Variants in COL4A4 observed in about 807,000 individuals in gnomAD.
The protein encoded by COL4A4 is collagen type IV alpha 4 chain, also known as collagen alpha-4(IV) chain.
COL4A4 carries 105 observed loss-of-function variants against 192.9 expected under a neutral mutation model. That is an observed-to-expected ratio of 0.54 (90% CI 0.46 to 0.64). The LOEUF (loss-of-function observed/expected upper bound fraction) is 0.64, where lower values mean the gene tolerates loss of function less well. COL4A4 is among the 30% of genes least tolerant of loss of function. The pLI, the probability that COL4A4 is intolerant of heterozygous loss-of-function variation, is 0.00. For synonymous variants in COL4A4, 762 were observed against 769.9 expected, an observed-to-expected ratio of 0.99 and a Z score of 0.17; for missense variants, 1,967 against 2,169.3, an observed-to-expected ratio of 0.91 and a Z score of 1.85.
At chr2:227,035,648 C>T (rs186560515) in intron 37 of COL4A4, among the ~76,000 whole-genome samples, 8 of 152,206 alleles carry the variant, frequency 5.3e-5, no homozygotes, top group Non-Finnish European at 1.0e-4. Flanking sequence ...TATGAGCCAA[C>T]GTTTCAAGTT....
intron 44 of COL4A4, among the ~76,000 whole-genome samples, chr2:227,020,269 T>A (rs1012983364): frequency 6.6e-6 from 1 of 152,090 alleles, no homozygotes; most frequent in Non-Finnish European, 1.5e-5. Flanking sequence ...GGCAGCTTGG[T>A]TTTAAAATGA....
At chr2:227,023,992 A>C (rs1966527287) in intron 43 of COL4A4, among the ~76,000 whole-genome samples, 1 of 143,272 alleles carries the variant, frequency 7.0e-6, no homozygotes, top group African/African-American at 2.6e-5. Context: ...GTGACAGAGC[A>C]AGACTCTGTC....
chr2:227,020,454 C>G (rs1965784983), intron 44 of COL4A4, among the ~76,000 whole-genome samples: 1 of 152,186 alleles, frequency 6.6e-6, no homozygotes, highest in Admixed American at 6.5e-5. Flanking sequence ...GCAATAAACA[C>G]ACACAACGAA....
Position 227,104,120 on chromosome 2 carries a change from A to T in COL4A4, c.736-68T>A, listed in dbSNP as rs571311282. On this transcript the variant is annotated intron_variant, in intron 12 of 47. Coordinates refer to ENST00000396625, the MANE Select transcript of COL4A4 (RefSeq NM_000092.5). Reference sequence around the variant, plus strand: ...ATGTTTTGAAGGTTTTCACCCATGTATTGTGGTATAATGCTTCCAATCCTA... The same window carrying T: ...ATGTTTTGAAGGTTTTCACCCATGTTTTGTGGTATAATGCTTCCAATCCTA... The T allele has an allele frequency of 3.0e-6, 4 of 1,336,846 alleles. No individual in the cohort carries two copies. In the South Asian group the frequency reaches 4.7e-5, roughly 16 times the overall value. 82.8% of individuals were successfully genotyped at this position (1,336,846 alleles called of 1,614,324 possible). A position where few individuals can be genotyped will look rare whatever the true frequency, so the allele number is the denominator to read the frequency against.
In COL4A4 at chr2:227,027,966, A is replaced by T; in HGVS notation, c.4017T>A (p.Pro1339=). 6.2e-7 allele frequency: 1 copy of T among 1,613,890 alleles called. No homozygotes were observed. Among genetic ancestry groups the T allele is most frequent in the Non-Finnish European group, 8.5e-7 (1 of 1,179,874 alleles). ...GTAAACCCTTCTCTCCAGGTGGCCCAGGAAATCCATGTGGTCCCTGCGGTC... is the reference window on the plus strand; with the variant it reads ...GTAAACCCTTCTCTCCAGGTGGCCCTGGAAATCCATGTGGTCCCTGCGGTC... ...FPGPQGPHGF[P]GPPGEKGLPG... The change falls in exon 42 of 48, where the codon CCT becomes CCA. Residue 1339 remains proline, a synonymous_variant. Coordinates refer to ENST00000396625, the MANE Select transcript of COL4A4 (RefSeq NM_000092.5).
chr2:227,104,490 G>A (rs1237262048), intron 12 of COL4A4, among the ~76,000 whole-genome samples: 2 of 150,972 alleles, frequency 1.3e-5, no homozygotes, highest in East Asian at 4.0e-4. Context: ...GCTGAGGCAG[G>A]AGAATGGCAT....
At chr2:227,136,665 G>A (rs139767222) in intron 4 of COL4A4, among the ~76,000 whole-genome samples, 12 of 152,266 alleles carry the variant, frequency 7.9e-5, no homozygotes, top group East Asian at 3.9e-4. Flanking sequence ...AACCATGGCC[G>A]TTCCTCAGCA....
At chr2:227,068,537 C>T (rs993562369) in intron 25 of COL4A4, among the ~76,000 whole-genome samples, 22 of 152,280 alleles carry the variant, frequency 1.4e-4, no homozygotes, top group South Asian at 4.1e-4. Context: ...GTGGGCTTCA[C>T]CCCTGGGATG....
intron 20 of COL4A4, among the ~76,000 whole-genome samples, chr2:227,093,391 C>G (rs763253024): frequency 6.6e-6 from 1 of 152,100 alleles, no homozygotes; most frequent in African/African-American, 2.4e-5. Context: ...CCAGAGGTCA[C>G]AAGATTTGCA....
intron 4 of COL4A4, among the ~76,000 whole-genome samples, chr2:227,122,567 A>C (rs1473062954): frequency 6.6e-6 from 1 of 152,168 alleles, no homozygotes; most frequent in Non-Finnish European, 1.5e-5. Context: ...TCTATATAAA[A>C]ACTGGAGTCA....
the COL4A4 span, among the ~76,000 whole-genome samples, chr2:226,982,996 C>T: frequency 6.6e-6 from 1 of 152,160 alleles, no homozygotes; most frequent in Non-Finnish European, 1.5e-5. Flanking sequence ...ATAGCATAAC[C>T]TAGGAAACTA....
chr2:227,107,527 C>A lies in COL4A4; in HGVS notation c.735+1054G>T, dbSNP rs117379746. Reference sequence around the variant, plus strand: ...GAAGTTGTTATATATATTTTTGACTCCTGTGCCGTTCTGTTAAATGACTGT... The same window carrying A: ...GAAGTTGTTATATATATTTTTGACTACTGTGCCGTTCTGTTAAATGACTGT... On this transcript the variant is annotated intron_variant, in intron 12 of 47. Transcript: ENST00000396625. 1.3e-3 allele frequency among the ~76,000 whole-genome samples: 201 copies of A among 152,268 alleles called. 6 individuals carry two copies. The East Asian group carries it at 0.033, about 25-fold the overall frequency.
intron 4 of COL4A4, among the ~76,000 whole-genome samples, chr2:227,135,546 C>A (rs2062756038): frequency 6.6e-6 from 1 of 152,090 alleles, no homozygotes; most frequent in Non-Finnish European, 1.5e-5. Flanking sequence ...TAATTCTGTC[C>A]CCCTCTTCTC....
intron 25 of COL4A4, among the ~76,000 whole-genome samples, chr2:227,066,381 C>G (rs2058340244): frequency 6.6e-6 from 1 of 151,594 alleles, no homozygotes; most frequent in Non-Finnish European, 1.5e-5. Flanking sequence ...CAAAGATACT[C>G]CTCGAGAAGA....
At chr2:227,103,036 A>T (rs2150791281) in intron 14 of COL4A4, 108 bp downstream of exon 14, 9 of 1,118,812 alleles carry the variant, frequency 8.0e-6, no homozygotes, top group Middle Eastern at 2.1e-4. Flanking sequence ...AAATTCTGGT[A>T]ATATATATTA....
rs1975239587 is a variant in COL4A4, at chr2:227,056,001, G to A, written c.2660C>T (p.Pro887Leu). 6.2e-7 allele frequency: 1 copy of A among 1,614,012 alleles called. No homozygotes were observed. The highest frequency in any genetic ancestry group is 8.5e-7 in the Non-Finnish European group (1 of 1,179,954). ...ATCTCCAAAGGGACCTGGGATTCCT[G>A]GGAGGCCTGGGGGACCATGTGCCCC... ...RPGAHGPPGL[P>L]GIPGPFGDDG... The change falls in exon 30 of 48, where the codon CCA becomes CTA. Residue 887 changes from proline (P) to leucine (L), a missense_variant. Coordinates refer to ENST00000396625, the MANE Select transcript of COL4A4 (RefSeq NM_000092.5).
chr2:227,050,660 G>C (rs1449752391), intron 33 of COL4A4, among the ~76,000 whole-genome samples: 1 of 152,180 alleles, frequency 6.6e-6, no homozygotes, highest in African/African-American at 2.4e-5. Flanking sequence ...GACAGGATTT[G>C]GGTGATTTTT....
intron 20 of COL4A4, among the ~76,000 whole-genome samples, chr2:227,090,907 G>A: frequency 6.8e-6 from 1 of 147,984 alleles, no homozygotes; most frequent in Admixed American, 6.7e-5. Flanking sequence ...TTTGAAACAG[G>A]AAGCTTAGAA....
intron 37 of COL4A4, among the ~76,000 whole-genome samples, chr2:227,040,163 GT>G (rs1970489061): frequency 6.6e-6 from 1 of 152,176 alleles, no homozygotes; most frequent in South Asian, 2.1e-4. Flanking sequence ...AGAAGAAGGG[GT>G]TTCCAACTCA....
Sources: gnomAD v4.1 joint callset for allele counts (sites outside exome capture counted in the v4.1 genomes callset) on GRCh38, gnomAD v4.1.1 for gene constraint, MANE v1.5 for transcripts, NCBI Gene and HGNC (gene_info 2026-07-23, HGNC 2026-07-21) for gene names.